SEPTIN7: variants seen among roughly 807,000 people sequenced by gnomAD.
SEPTIN7 encodes septin-7.
A neutral mutation model predicts 63.3 loss-of-function variants in SEPTIN7; 10 were observed. That is an observed-to-expected ratio of 0.16 (90% confidence interval 0.10 to 0.27). The LOEUF (loss-of-function observed/expected upper bound fraction) is 0.27, where lower values mean the gene tolerates loss of function less well. Among genes scored for constraint, SEPTIN7 ranks in the 10% least tolerant of loss-of-function variants. The pLI, the probability that SEPTIN7 is intolerant of heterozygous loss-of-function variation, is 1.00. For synonymous variants in SEPTIN7, 131 were observed against 165.3 expected (o/e 0.79, Z 1.59); for missense variants, 310 against 521.0 (o/e 0.59, Z 3.94).
At chr7:35,817,317 T>A (rs61185918) in intron 1 of SEPTIN7, among the ~76,000 whole-genome samples, 11 of 152,218 alleles carry the variant, frequency 7.2e-5, no homozygotes, top group African/African-American at 2.6e-4. Flanking sequence ...CTTTTTCCAT[T>A]GTGTGGTCTT....
downstream of SEPTIN7, chr7:35,907,173 A>T (rs1417956137): frequency 2.0e-5 from 3 of 152,194 alleles, no homozygotes; most frequent in Non-Finnish European, 2.9e-5. Context: ...GTGGATAGTT[A>T]ATAGTTATTG....
chr7:35,811,836 A>C (rs1788730020), intron 1 of SEPTIN7, among the ~76,000 whole-genome samples: 1 of 152,230 alleles, frequency 6.6e-6, no homozygotes, highest in South Asian at 2.1e-4. Flanking sequence ...AGCCTGGCCA[A>C]GAAGGTGAAA....
intron 1 of SEPTIN7, among the ~76,000 whole-genome samples, chr7:35,801,756 C>G: frequency 6.6e-6 from 1 of 150,928 alleles, no homozygotes; most frequent in East Asian, 2.0e-4. Flanking sequence ...AACGCTCGGG[C>G]GAGGGTGCTG....
At chr7:35,869,504 A>C (rs990058286) in intron 4 of SEPTIN7, among the ~76,000 whole-genome samples, 6 of 152,358 alleles carry the variant, frequency 3.9e-5, no homozygotes, top group Non-Finnish European at 7.3e-5. Flanking sequence ...GAGCAAGTGA[A>C]GGTAGAGGTA....
chr7:35,871,446 G>A (rs761925856), intron 4 of SEPTIN7, among the ~76,000 whole-genome samples: 8 of 152,154 alleles, frequency 5.3e-5, no homozygotes, highest in Non-Finnish European at 1.0e-4. Context: ...CAGATTTCAA[G>A]GACTAAGTAG....
At chr7:35,884,025 T>A in intron 9 of SEPTIN7, 38 bp downstream of exon 9, 1 of 1,254,552 alleles carries the variant, frequency 8.0e-7, no homozygotes, top group Non-Finnish European at 1.2e-6. Context: ...CTAAAATATC[T>A]CAAAACTGAT....
chr7:35,833,252 G>T (rs1290474590), intron 3 of SEPTIN7, among the ~76,000 whole-genome samples: 2 of 151,938 alleles, frequency 1.3e-5, no homozygotes, highest in Non-Finnish European at 2.9e-5. Context: ...CTATAGTGGA[G>T]TATCATATAA....
intron 3 of SEPTIN7, among the ~76,000 whole-genome samples, chr7:35,849,786 G>T (rs530527717): frequency 1.3e-5 from 2 of 152,250 alleles, no homozygotes; most frequent in African/African-American, 2.4e-5. Context: ...TTAAAGATCA[G>T]TAAAAGGCCT....
rs1213165627 is a variant in SEPTIN7, at chr7:35,906,704, G to T, written c.*2411G>T. The T allele has an allele frequency of 6.6e-6, 1 of 152,196 alleles. No homozygotes were observed. Among genetic ancestry groups the T allele is most frequent in the African/African-American group, 2.4e-5 (1 of 41,450 alleles). The allele number at this position is 152,196 out of a possible 1,614,324, so 9.4% of individuals were successfully genotyped here. A position where few individuals can be genotyped will look rare whatever the true frequency, so the allele number is the denominator to read the frequency against. Reference sequence around the variant, plus strand: ...AGTTAAGTGGGCACAGTTTATTTCTGTGTAGCTCAGGCTGTAATCTTGAAA... The same window carrying T: ...AGTTAAGTGGGCACAGTTTATTTCTTTGTAGCTCAGGCTGTAATCTTGAAA... On this transcript the variant is annotated 3_prime_UTR_variant, in exon 14 of 14. Transcript: ENST00000350320.
intron 4 of SEPTIN7, among the ~76,000 whole-genome samples, chr7:35,869,445 C>A (rs1177856751): frequency 6.6e-6 from 1 of 152,172 alleles, no homozygotes; most frequent in Non-Finnish European, 1.5e-5. Context: ...AGTGGAGTAT[C>A]TCAGGCCATT....
At chr7:35,882,791 A>T (rs1786974170) in intron 8 of SEPTIN7, among the ~76,000 whole-genome samples, 1 of 152,098 alleles carries the variant, frequency 6.6e-6, no homozygotes, top group Non-Finnish European at 1.5e-5. Context: ...GAATAACACA[A>T]TTCTTATTTC....
chr7:35,873,801 C>G, intron 6 of SEPTIN7, 26 bp downstream of exon 6: 1 of 1,602,310 alleles, frequency 6.2e-7, no homozygotes, highest in South Asian at 1.1e-5. Context: ...CTTCTGATTC[C>G]TTTTTTGTTG....
intron 8 of SEPTIN7, among the ~76,000 whole-genome samples, chr7:35,883,674 GA>G (rs2116291516): frequency 6.6e-6 from 1 of 151,768 alleles, no homozygotes; most frequent in African/African-American, 2.4e-5. Context: ...ACATTAAAGA[GA>G]AAATTTAATT....
At chr7:35,860,586 A>G (rs568981191) in intron 3 of SEPTIN7, among the ~76,000 whole-genome samples, 12 of 152,174 alleles carry the variant, frequency 7.9e-5, no homozygotes, top group African/African-American at 2.2e-4. Flanking sequence ...CTTTATTTCT[A>G]CCTTGTTTTT....
intron 1 of SEPTIN7, among the ~76,000 whole-genome samples, chr7:35,823,413 C>G (rs1783333147): frequency 6.6e-6 from 1 of 152,140 alleles, no homozygotes; most frequent in Non-Finnish European, 1.5e-5. Context: ...GTTGGTCAGG[C>G]TGATCTTGAA....
chr7:35,838,236 ACTTCCTT>A (rs1784179801), intron 3 of SEPTIN7, among the ~76,000 whole-genome samples: 6 of 59,050 alleles, frequency 1.0e-4, no homozygotes. Flanking sequence ...TATTATCCAA[ACTTCCTT>A]CCTTCCTTCC....
At chr7:35,844,381 A>G (rs1784551737) in intron 3 of SEPTIN7, among the ~76,000 whole-genome samples, 1 of 152,240 alleles carries the variant, frequency 6.6e-6, no homozygotes, top group Non-Finnish European at 1.5e-5. Context: ...GCAATTTTGT[A>G]AAATTTTATT....
At chr7:35,803,003 AAC>A (rs1268657177) in intron 1 of SEPTIN7, 3 of 197,982 alleles carry the variant, frequency 1.5e-5, no homozygotes, top group African/African-American at 7.1e-5. Flanking sequence ...AGGTCTTCAT[AAC>A]ACAGTTATTA....
At chr7:35,903,765 A>T (rs1788461580) in intron 13 of SEPTIN7, among the ~76,000 whole-genome samples, 2 of 152,194 alleles carry the variant, frequency 1.3e-5, no homozygotes, top group African/African-American at 4.8e-5. Context: ...GAAAAGTGGC[A>T]TTCCTATAAG....
Sources: gnomAD v4.1 joint callset for allele counts (sites outside exome capture counted in the v4.1 genomes callset) on GRCh38, gnomAD v4.1.1 for gene constraint, MANE v1.5 for transcripts, NCBI Gene and HGNC (gene_info 2026-07-23, HGNC 2026-07-21) for gene names.